TAPBPL: variants seen among roughly 807,000 people sequenced by gnomAD.
TAPBPL encodes the protein tapasin-related protein.
In TAPBPL, 32 loss-of-function variants were observed where a neutral mutation model predicts 44.8. That is an observed-to-expected ratio of 0.71 (90% CI 0.54 to 0.96). The LOEUF is 0.96. TAPBPL is among the 40% of genes least tolerant of loss of function. The pLI is 0.00. For missense variants in TAPBPL, 520 were observed against 586.6 expected, an observed-to-expected ratio of 0.89 and a Z score of 1.17; for synonymous variants, 230 against 240.7, an observed-to-expected ratio of 0.96 and a Z score of 0.41.
At chr12:6,464,764 T>TC, downstream of TAPBPL, 14 of 1,538,874 alleles carry the variant, frequency 9.1e-6, no homozygotes, top group Non-Finnish European at 1.2e-5. Flanking sequence ...CAGGTGACGA[T>TC]CCCATAGCAG....
chr12:6,452,520 A>C (rs1949580915), intron 1 of TAPBPL: 1 of 1,424,352 alleles, frequency 7.0e-7, no homozygotes, highest in Admixed American at 3.0e-5. Context: ...GGAAAATGCT[A>C]AAGAGGGGCT....
downstream of TAPBPL, chr12:6,470,684 G>A (rs1945754137): frequency 2.1e-6 from 2 of 938,376 alleles, no homozygotes; most frequent in Non-Finnish European, 1.7e-6. Context: ...TACTGCAGCT[G>A]CCGCGCCGGC....
Position 6,453,298 on chromosome 12 carries a change from G to A in TAPBPL, c.295+1G>A, listed in dbSNP as rs756779168. On this transcript the variant is annotated splice_donor_variant, in intron 2 of 6. Transcript: ENST00000266556. LOFTEE classifies it high-confidence loss of function. The surrounding 1 kb of genome is among the most constrained non-coding windows in gnomAD (Gnocchi z 4.8). ...CCACCTATTATCTTTGAGGCCTCAGGTAAAAGCCTTCCACCTGTGTCCTTG... is the reference window on the plus strand; with the variant it reads ...CCACCTATTATCTTTGAGGCCTCAGATAAAAGCCTTCCACCTGTGTCCTTG... The A allele has an allele frequency of 1.2e-6, 2 of 1,613,680 alleles. No individual in the cohort carries two copies. Among genetic ancestry groups the A allele is most frequent in the African/African-American group, 1.3e-5 (1 of 75,048 alleles).
At chr12:6,466,647 T>G, downstream of TAPBPL, 1 of 249,086 alleles carries the variant, frequency 4.0e-6, no homozygotes, top group Non-Finnish European at 7.8e-6. Flanking sequence ...AGACAAACCA[T>G]AGAGGCAAGA....
At chr12:6,452,823 ACTC>A (rs1351461533) in intron 1 of TAPBPL, among the ~76,000 whole-genome samples, 1 of 152,182 alleles carries the variant, frequency 6.6e-6, no homozygotes, top group Non-Finnish European at 1.5e-5. Context: ...GCAAGCATAA[ACTC>A]CTCTGAGCAA....
At chr12:6,470,543 A>C, downstream of TAPBPL, 2 of 1,613,996 alleles carry the variant, frequency 1.2e-6, no homozygotes. Context: ...TTTCTGACAG[A>C]GAGAGTGAGG....
downstream of TAPBPL, chr12:6,470,672 C>G (rs1389933497): frequency 1.9e-6 from 2 of 1,064,260 alleles, no homozygotes. Flanking sequence ...TGCGCTGGAA[C>G]TTACTGCAGC....
chr12:6,470,635 C>A, downstream of TAPBPL: 1 of 1,488,652 alleles, frequency 6.7e-7, no homozygotes, highest in South Asian at 1.2e-5. Flanking sequence ...CAAGCTCCGC[C>A]TCGCGCCGAC....
chr12:6,459,381 G>C (rs139293004), intron 5 of TAPBPL, among the ~76,000 whole-genome samples: 1 of 152,232 alleles, frequency 6.6e-6, no homozygotes, highest in South Asian at 2.1e-4. Context: ...TTGGAGAATT[G>C]CAAGTAATTC....
downstream of TAPBPL, chr12:6,464,822 G>GCAGT: frequency 6.2e-7 from 1 of 1,609,508 alleles, no homozygotes. Flanking sequence ...AGGCAGGCAG[G>GCAGT]CAGGCAGGGA....
chr12:6,453,592 G>C lies in TAPBPL; in HGVS notation c.441G>C (p.Gln147His). The C allele has an allele frequency of 1.2e-6, 2 of 1,614,214 alleles. No individual in the cohort carries two copies. Among genetic ancestry groups the C allele is most frequent in the South Asian group, 2.2e-5 (2 of 91,088 alleles). ...CAGCTTGGTTCATGGCCAACATGCA[G>C]GTCTCTGGAGGGGGACCTAGCATCT... is the stretch of plus-strand genomic sequence containing the variant. ...KTAAWFMANMQVSGGGPSISL... is the reference protein window; with the variant it reads ...KTAAWFMANMHVSGGGPSISL... The change falls in exon 3 of 7, where the codon CAG becomes CAC. Residue 147 changes from glutamine (Q) to histidine (H), a missense_variant. Coordinates refer to ENST00000266556, the MANE Select transcript of TAPBPL (RefSeq NM_018009.5). This position sits in a 1 kb window ranked among gnomAD's most constrained non-coding sequence, Gnocchi z 4.8.
intron 4 of TAPBPL, 143 bp downstream of exon 4, chr12:6,457,887 A>G: frequency 1.1e-6 from 1 of 918,744 alleles, no homozygotes; most frequent in East Asian, 2.7e-5. Flanking sequence ...TCACCATGGA[A>G]GCACAGATGG....
At chr12:6,462,974 T>C, downstream of TAPBPL, 1 of 1,551,984 alleles carries the variant, frequency 6.4e-7, no homozygotes, top group Non-Finnish European at 8.7e-7. Context: ...CTCTTCCTGT[T>C]CGTGGACCGA....
At chr12:6,464,286 A>G, downstream of TAPBPL, 1 of 1,541,878 alleles carries the variant, frequency 6.5e-7, no homozygotes, top group East Asian at 2.5e-5. Flanking sequence ...TTGTGCCACG[A>G]GCAGCATTTC....
intron 3 of TAPBPL, among the ~76,000 whole-genome samples, chr12:6,456,000 TCCAC>T (rs771745836): frequency 7.9e-5 from 12 of 152,146 alleles, no homozygotes; most frequent in Non-Finnish European, 1.2e-4. Context: ...CCTCAGGTGA[TCCAC>T]CCATCTCGGC....
chr12:6,470,627 A>AGCTCCGCCTC (rs1316573543), downstream of TAPBPL: 1 of 1,544,234 alleles, frequency 6.5e-7, no homozygotes. Flanking sequence ...GGAACTGCCA[A>AGCTCCGCCTC]GCTCCGCCTC....
At chr12:6,460,017 G>A (rs1056372110) in intron 5 of TAPBPL, among the ~76,000 whole-genome samples, 2 of 151,496 alleles carry the variant, frequency 1.3e-5, no homozygotes, top group Non-Finnish European at 2.9e-5. Flanking sequence ...TGATCTGTCC[G>A]CCTCGGCTTC....
downstream of TAPBPL, chr12:6,463,532 G>A (rs892783053): frequency 2.8e-5 from 29 of 1,041,268 alleles, no homozygotes; most frequent in Admixed American, 1.0e-4. The surrounding 1 kb of genome is among the most constrained non-coding windows in gnomAD (Gnocchi z 4.0). Context: ...CCTCTTTAAC[G>A]AGGGCAAGGA....
downstream of TAPBPL, chr12:6,470,649 C>A (rs571477074): frequency 1.1e-5 from 15 of 1,362,776 alleles, no homozygotes; most frequent in East Asian, 1.7e-4. Context: ...CGCCGACTAC[C>A]CCGCGGTCTA....
Sources: allele counts gnomAD v4.1 joint callset (sites outside exome capture counted in the v4.1 genomes callset), GRCh38; gene constraint gnomAD v4.1.1; non-coding constraint Gnocchi (gnomAD v3.1); transcripts MANE v1.5; gene names NCBI Gene and HGNC (gene_info 2026-07-23, HGNC 2026-07-21).